Variants in NTRK2 observed in about 807,000 individuals in gnomAD.
NTRK2 encodes the protein BDNF/NT-3 growth factors receptor.
NTRK2 carries 13 observed loss-of-function variants against 94.5 expected under a neutral mutation model. That is an observed-to-expected ratio of 0.14 (90% CI 0.09 to 0.22). The LOEUF (loss-of-function observed/expected upper bound fraction) is 0.22. NTRK2 is among the 10% of genes least tolerant of loss of function. The probability of loss-of-function intolerance (pLI) is 1.00; values close to 1 mark genes in which losing one functional copy is unlikely to be tolerated. For missense variants in NTRK2, 639 were observed against 1,071.2 expected, an observed-to-expected ratio of 0.60 and a Z score of 5.63; for synonymous variants, 372 against 407.4, an observed-to-expected ratio of 0.91 and a Z score of 1.05.
chr9:84,797,098 C>T (rs1378484702), intron 12 of NTRK2, among the ~76,000 whole-genome samples: 1 of 151,942 alleles, frequency 6.6e-6, no homozygotes, highest in African/African-American at 2.4e-5. Flanking sequence ...TATATTGAAA[C>T]AGTACGATGT....
At chr9:84,979,557 A>G (rs952353421) in intron 17 of NTRK2, among the ~76,000 whole-genome samples, 1 of 152,222 alleles carries the variant, frequency 6.6e-6, no homozygotes, top group Non-Finnish European at 1.5e-5. Flanking sequence ...TGTTGTAAAC[A>G]TTGTTGAAAT....
chr9:84,688,475 C>A (rs541619866), intron 2 of NTRK2, among the ~76,000 whole-genome samples: 1 of 152,228 alleles, frequency 6.6e-6, no homozygotes, highest in East Asian at 1.9e-4. Flanking sequence ...ATGTTCCCAA[C>A]AAGGACAGAG....
At chr9:84,788,632 T>C (rs2068385215) in intron 12 of NTRK2, among the ~76,000 whole-genome samples, 1 of 151,896 alleles carries the variant, frequency 6.6e-6, no homozygotes, top group East Asian at 1.9e-4. Context: ...GTGTGTGGGA[T>C]GAGCTCAAGG....
At chr9:85,019,442 AG>A (rs1282644266) in intron 17 of NTRK2, among the ~76,000 whole-genome samples, 2 of 152,340 alleles carry the variant, frequency 1.3e-5, no homozygotes, top group East Asian at 3.9e-4. Flanking sequence ...TCCATGAAGT[AG>A]GAAGTCATAT....
chr9:84,987,306 A>G (rs1828440529), intron 17 of NTRK2, among the ~76,000 whole-genome samples: 1 of 152,212 alleles, frequency 6.6e-6, no homozygotes, highest in African/African-American at 2.4e-5. Context: ...ACTCATGTTC[A>G]TAGATTTTGA....
intron 12 of NTRK2, among the ~76,000 whole-genome samples, chr9:84,833,947 G>A (rs527587336): frequency 6.6e-6 from 1 of 152,264 alleles, no homozygotes; most frequent in Non-Finnish European, 1.5e-5. Flanking sequence ...GAGGATGCCC[G>A]GGTGAGGATG....
intron 15 of NTRK2, among the ~76,000 whole-genome samples, chr9:84,947,252 G>A (rs1172071033): frequency 1.3e-5 from 2 of 152,138 alleles, no homozygotes; most frequent in South Asian, 2.1e-4. Flanking sequence ...TACTGTACCC[G>A]GTCTCTCTTT....
intron 12 of NTRK2, among the ~76,000 whole-genome samples, chr9:84,752,858 TAG>T (rs1376132326): frequency 6.6e-6 from 1 of 152,218 alleles, no homozygotes; most frequent in Non-Finnish European, 1.5e-5. Flanking sequence ...CTCCTATAGA[TAG>T]ACACTATTTA....
chr9:85,004,792 G>A (rs959941863), intron 17 of NTRK2, among the ~76,000 whole-genome samples: 2 of 152,196 alleles, frequency 1.3e-5, no homozygotes, highest in Non-Finnish European at 2.9e-5. Context: ...GAGTCAAAGG[G>A]TGACCGCCTT....
intron 12 of NTRK2, among the ~76,000 whole-genome samples, chr9:84,838,105 C>T (rs1220554834): frequency 6.6e-6 from 1 of 152,138 alleles, no homozygotes; most frequent in African/African-American, 2.4e-5. Flanking sequence ...TATAATCTGG[C>T]TGGATACCAT....
At chr9:84,986,622 C>CTT (rs34565583) in intron 17 of NTRK2, among the ~76,000 whole-genome samples, 7 of 151,946 alleles carry the variant, frequency 4.6e-5, no homozygotes, top group Non-Finnish European at 1.0e-4. Flanking sequence ...ACAACTGAAA[C>CTT]TTTTTTTGCC....
At chr9:84,979,392 G>A (rs1031678926) in intron 17 of NTRK2, among the ~76,000 whole-genome samples, 15 of 152,210 alleles carry the variant, frequency 9.9e-5, no homozygotes, top group Non-Finnish European at 1.9e-4. Context: ...TGCAGAAGTG[G>A]TGGAAATAGC....
chr9:84,711,081 C>T (rs759129623), intron 6 of NTRK2, among the ~76,000 whole-genome samples: 1 of 152,186 alleles, frequency 6.6e-6, no homozygotes. Flanking sequence ...ATCCATCCAT[C>T]CATTTATCCA....
intron 12 of NTRK2, among the ~76,000 whole-genome samples, chr9:84,831,073 A>G (rs544709831): frequency 3.9e-5 from 6 of 152,354 alleles, no homozygotes; most frequent in Admixed American, 2.6e-4. Flanking sequence ...TGAATAAACC[A>G]TAATGTGTTT....
intron 17 of NTRK2, among the ~76,000 whole-genome samples, chr9:84,989,493 C>A (rs923593724): frequency 9.9e-5 from 15 of 152,168 alleles, no homozygotes; most frequent in Admixed American, 6.5e-4. Context: ...CTTGACATTG[C>A]CCCAGTATTG....
In NTRK2 at chr9:84,733,146, A is replaced by G. The variant is rs534276290; in HGVS notation, c.1159+5187A>G. 1.2e-4 allele frequency among the ~76,000 whole-genome samples: 18 copies of G among 152,244 alleles called. No individual in the cohort carries two copies. The South Asian group carries it at 3.7e-3, about 32-fold the overall frequency. ...TGAGCCATCCGTTTGCAGAGAACAT[A>G]ATTCAACTCTCAGAGTGGTTCCATG... is the stretch of plus-strand genomic sequence containing the variant. On this transcript the variant is annotated intron_variant, in intron 9 of 18. Coordinates refer to ENST00000277120, the MANE Select transcript of NTRK2 (RefSeq NM_006180.6).
intron 12 of NTRK2, among the ~76,000 whole-genome samples, chr9:84,772,259 T>C (rs934054529): frequency 2.7e-5 from 4 of 147,676 alleles, no homozygotes; most frequent in Non-Finnish European, 6.0e-5. Context: ...CTATAAACAA[T>C]TTTTTTTTTT....
In NTRK2 at chr9:85,021,479, G is replaced by C. The variant is rs2118025743; in HGVS notation, c.*42G>C. On this transcript the variant is annotated 3_prime_UTR_variant, in exon 19 of 19. Transcript: ENST00000277120. ...CCGATCCTTCCCAACGTACTCCTCA[G>C]ACGGGCTGAGAGGATGAACATCTTT... 6.3e-7 allele frequency: 1 copy of C among 1,596,986 alleles called. No homozygotes were observed. The highest frequency in any genetic ancestry group is 1.3e-5 in the African/African-American group (1 of 74,666).
intron 17 of NTRK2, among the ~76,000 whole-genome samples, chr9:85,008,795 A>T (rs1281756534): frequency 2.0e-5 from 3 of 152,316 alleles, no homozygotes; most frequent in Non-Finnish European, 1.5e-5. Context: ...AGGATCGTGC[A>T]GTGGAGCAGG....
Sources: allele counts gnomAD v4.1 joint callset (sites outside exome capture counted in the v4.1 genomes callset), GRCh38; gene constraint gnomAD v4.1.1; transcripts MANE v1.5; gene names NCBI Gene and HGNC (gene_info 2026-07-23, HGNC 2026-07-21).